Variants in TMEM201 observed in about 807,000 individuals in gnomAD.
TMEM201 encodes the protein transmembrane protein 201, also known as RP13-15M17.2.
In TMEM201, 26 loss-of-function variants were observed where a neutral mutation model predicts 63.4. The observed-to-expected ratio is 0.41, with a 90% CI of 0.30 to 0.57. The LOEUF (loss-of-function observed/expected upper bound fraction) is 0.57, where lower values mean the gene tolerates loss of function less well. TMEM201 is among the 20% of genes least tolerant of loss of function. TMEM201 has a pLI of 0.29. For synonymous variants in TMEM201, 417 were observed against 421.6 expected, an observed-to-expected ratio of 0.99 and a Z score of 0.14; for missense variants, 794 against 917.7, an observed-to-expected ratio of 0.87 and a Z score of 1.74.
rs1490259504 is a variant in TMEM201, at chr1:9,607,146, C to T, written c.1161-411C>T. On this transcript the variant is annotated intron_variant, in intron 6 of 10. Transcript: ENST00000340381. This position sits in a 1 kb window ranked among gnomAD's most constrained non-coding sequence, Gnocchi z 5.4. ...AGCCCGGCCGCTCTGTGGGAAGGCT[C>T]GGCACAGAACAAGAAGTGGCAAGGA... Among the ~76,000 whole-genome samples, 2 of 152,164 alleles carry T rather than the reference C, an allele frequency of 1.3e-5. No individual in the cohort carries two copies. Among genetic ancestry groups the T allele is most frequent in the African/African-American group, 2.4e-5 (1 of 41,420 alleles).
chr1:9,600,986 CAAG>C, intron 4 of TMEM201, 116 bp from the exon 5 acceptor site: 1 of 892,638 alleles, frequency 1.1e-6, no homozygotes, highest in Non-Finnish European at 1.7e-6. Flanking sequence ...GTTTTTGAAC[CAAG>C]CCCAGGATGT....
At chr1:9,595,544 C>T (rs996594347) in intron 1 of TMEM201, among the ~76,000 whole-genome samples, 23 of 152,112 alleles carry the variant, frequency 1.5e-4, no homozygotes, top group African/African-American at 5.5e-4. Flanking sequence ...GAGCCCCAGG[C>T]CACCAGGAGC....
Position 9,610,558 on chromosome 1 carries a change from A to G in TMEM201, c.1518A>G (p.Pro506=). 6.5e-7 allele frequency: 1 copy of G among 1,548,894 alleles called. No individual in the cohort carries two copies. Among genetic ancestry groups the G allele is most frequent in the South Asian group, 1.2e-5 (1 of 83,932 alleles). Residue 506 remains proline (P), a synonymous_variant, in exon 9 of 11, where the codon CCA becomes CCG. Transcript: ENST00000340381. The surrounding 1 kb of genome is among the most constrained non-coding windows in gnomAD (Gnocchi z 4.9). ...GSCPSSPLPS[P]APSVAGSVAS... ...GCCCCTCCTCCCCACTCCCTTCCCC[A>G]GCGCCTTCCGTGGCCGGCTCGGTGG...
intron 5 of TMEM201, among the ~76,000 whole-genome samples, chr1:9,601,818 C>T (rs1644148472): frequency 1.3e-5 from 2 of 152,186 alleles, no homozygotes; most frequent in Admixed American, 6.5e-5. Context: ...TCCCCGTCGC[C>T]CCTGCTCACC....
intron 4 of TMEM201, among the ~76,000 whole-genome samples, chr1:9,600,580 A>G (rs538937423): frequency 1.7e-4 from 26 of 152,296 alleles, no homozygotes; most frequent in African/African-American, 6.3e-4. Flanking sequence ...GGAGCAGGGT[A>G]GGGAGGTGGC....
chr1:9,593,263 G>A (rs1643951552), intron 1 of TMEM201, among the ~76,000 whole-genome samples: 1 of 152,228 alleles, frequency 6.6e-6, no homozygotes, highest in African/African-American at 2.4e-5. Flanking sequence ...TTTCACATGT[G>A]GTCATGTGTC....
rs1424136461 is a variant in TMEM201, at chr1:9,598,558, G to A, written c.539G>A (p.Arg180His). 1.2e-6 allele frequency: 2 copies of A among 1,613,710 alleles called. No homozygotes were observed. The highest frequency in any genetic ancestry group is 1.7e-6 in the Non-Finnish European group (2 of 1,180,010). ...AVEYYIKHQNRQLRALLLSHQ... is the reference protein window; with the variant it reads ...AVEYYIKHQNHQLRALLLSHQ... The stretch of plus-strand genomic sequence containing the variant: ...GAGTACTACATCAAGCACCAGAACC[G>A]CCAGCTGCGCGCCCTGTTGCTCAGC... The change falls in exon 4 of 11, where the codon CGC (arginine) becomes CAC (histidine). Residue 180 changes from arginine (R) to histidine (H), a missense_variant. Transcript: ENST00000340381.
In TMEM201 at chr1:9,608,028, A is replaced by G. The variant is rs1285463679; in HGVS notation, c.1393+239A>G. On this transcript the variant is annotated intron_variant, in intron 7 of 10. Coordinates refer to ENST00000340381, the MANE Select transcript of TMEM201 (RefSeq NM_001130924.3). The surrounding 1 kb of genome is among the most constrained non-coding windows in gnomAD (Gnocchi z 4.3). The stretch of plus-strand genomic sequence containing the variant: ...CAAGGTGGGAGGATGGCTTGAGGCT[A>G]GGAGTTCAAGACCAGCCTGGGCAAC... Among the ~76,000 whole-genome samples the G allele has an allele frequency of 1.3e-5, 2 of 152,216 alleles. No homozygotes were observed. The highest frequency in any genetic ancestry group is 4.8e-5 in the African/African-American group (2 of 41,464).
Position 9,601,407 on chromosome 1 carries a change from G to C in TMEM201, c.909G>C (p.Leu303=). ...GCCACCAGACGGGCGTCGTGGCACTGGGCCTACTCACCTGCCTGCTGGCAA... is the reference window on the plus strand; with the variant it reads ...GCCACCAGACGGGCGTCGTGGCACTCGGCCTACTCACCTGCCTGCTGGCAA... ...GQSHQTGVVA[L]GLLTCLLAML... is the part of the protein sequence containing the mutation. Residue 303 remains leucine, a synonymous_variant, in exon 5 of 11, where the codon CTG becomes CTC. Transcript: ENST00000340381. 6.3e-7 allele frequency: 1 copy of C among 1,599,764 alleles called. No individual in the cohort carries two copies. Among genetic ancestry groups the C allele is most frequent in the South Asian group, 1.1e-5 (1 of 90,920 alleles).
In TMEM201 at chr1:9,602,237, G is replaced by A. The variant is rs927282825; in HGVS notation, c.1125G>A (p.Arg375=). The part of the protein sequence containing the change: ...LVGFTAAVAT[R]KATGPRRFRP... ...GCTTCACGGCGGCTGTGGCCACAAG[G>A]AAGGCAACGGGCCCACGGAGGTTCC... The change falls in exon 6 of 11, where the codon AGG becomes AGA. Residue 375 remains arginine, a synonymous_variant. Transcript: ENST00000340381. The A allele has an allele frequency of 8.7e-6, 14 of 1,612,286 alleles. 1 individual carries two copies. The Admixed American group carries it at 2.0e-4, about 23-fold the overall frequency.
In TMEM201 at chr1:9,604,602, G is replaced by T. The variant is rs985636183; in HGVS notation, c.1160+2330G>T. ...TCAGACCTTCTAGGGTCTGGCTGGG[G>T]TCATCCTAGGTATGGGTGACCGTCC... On this transcript the variant is annotated intron_variant, in intron 6 of 10. Coordinates refer to ENST00000340381, the MANE Select transcript of TMEM201 (RefSeq NM_001130924.3). This position sits in a 1 kb window ranked among gnomAD's most constrained non-coding sequence, Gnocchi z 4.1. 2.0e-6 allele frequency: 2 copies of T among 985,508 alleles called. No homozygotes were observed. Among genetic ancestry groups the T allele is most frequent in the Non-Finnish European group, 2.4e-6 (2 of 829,930 alleles). The allele number at this position is 985,508 out of a possible 1,614,324, so 61.0% of individuals were successfully genotyped here. A position where few individuals can be genotyped will look rare whatever the true frequency, so the allele number is the denominator to read the frequency against.
intron 1 of TMEM201, among the ~76,000 whole-genome samples, chr1:9,592,667 TCATCATTAAGGACACGTGC>T (rs1171870372): frequency 1.7e-4 from 6 of 36,050 alleles, no homozygotes; most frequent in South Asian, 1.1e-3. Context: ...TGGAGTGGTG[TCATCATTAAGGACACGTGC>T]CCGTCTTGTT....
chr1:9,609,062 C>T (rs1445662304), intron 7 of TMEM201, among the ~76,000 whole-genome samples: 1 of 152,230 alleles, frequency 6.6e-6, no homozygotes, highest in Non-Finnish European at 1.5e-5. Flanking sequence ...CCTCAGTCCG[C>T]TTCTCTGCCA....
rs1242752078 is a variant in TMEM201, at chr1:9,603,116, C to G, written c.1160+844C>G. 1.0e-6 allele frequency: 1 copy of G among 985,394 alleles called. No individual in the cohort carries two copies. Among genetic ancestry groups the G allele is most frequent in the Non-Finnish European group, 1.2e-6 (1 of 829,998 alleles). The allele number at this position is 985,394 out of a possible 1,614,324, so 61.0% of individuals were successfully genotyped here. ...TCAGTGACATCAGGTCGTTGTCATC[C>G]TTTCCCTCCCTGACCTGTCACGAGC... On this transcript the variant is annotated intron_variant, in intron 6 of 10. Transcript: ENST00000340381. This position sits in a 1 kb window ranked among gnomAD's most constrained non-coding sequence, Gnocchi z 4.5.
Position 9,607,740 on chromosome 1 carries a change from C to T in TMEM201, c.1344C>T (p.Arg448=), listed in dbSNP as rs1644267872. 1 of 1,551,662 alleles carries T rather than the reference C, an allele frequency of 6.4e-7. No homozygotes were observed. Among genetic ancestry groups the T allele is most frequent in the South Asian group, 1.2e-5 (1 of 84,066 alleles). ...CCTCACCCTCCTCATTGCCTGGCCG[C>T]CTCAGCCGGGCCCTCTCTCTGGGAA... ...RRTSPSSLPG[R]LSRALSLGTI... Residue 448 remains arginine (R), a synonymous_variant, in exon 7 of 11, where the codon CGC becomes CGT. Coordinates refer to ENST00000340381, the MANE Select transcript of TMEM201 (RefSeq NM_001130924.3). The surrounding 1 kb of genome is among the most constrained non-coding windows in gnomAD (Gnocchi z 5.4).
In TMEM201 at chr1:9,598,609, A is replaced by T. The variant is rs751764878; in HGVS notation, c.590A>T (p.Asp197Val). 1 of 1,613,078 alleles carries T rather than the reference A, an allele frequency of 6.2e-7. No individual in the cohort carries two copies. Among genetic ancestry groups the T allele is most frequent in the East Asian group, 2.2e-5 (1 of 44,880 alleles). ...LSHQFKRREA[D>V]QTHAQNFSSA... ...CACCAGTTCAAGCGCCGGGAGGCCG[A>T]CCAGACCCACGCACAGGTGAGAGGC... Residue 197 changes from aspartate to valine, a missense_variant, in exon 4 of 11, where the codon GAC (aspartate) becomes GTC (valine). Transcript: ENST00000340381.
intron 1 of TMEM201, among the ~76,000 whole-genome samples, chr1:9,594,298 C>T (rs1332727617): frequency 6.6e-6 from 1 of 152,174 alleles, no homozygotes; most frequent in Non-Finnish European, 1.5e-5. Flanking sequence ...ATGCAGCGGT[C>T]CTTGTCCTCT....
intron 5 of TMEM201, 132 bp from the exon 6 acceptor site, chr1:9,601,937 C>G: frequency 9.2e-7 from 1 of 1,092,882 alleles, no homozygotes; most frequent in South Asian, 1.7e-5. Flanking sequence ...TGAGGGGATT[C>G]CGAGCCCACA....
Position 9,595,898 on chromosome 1 carries a change from C to T in TMEM201, c.122C>T (p.Pro41Leu). 1 of 1,613,454 alleles carries T rather than the reference C, an allele frequency of 6.2e-7. No homozygotes were observed. Residue 41 changes from proline (P) to leucine (L), a missense_variant, in exon 2 of 11, where the codon CCA (proline) becomes CTA (leucine). Physicochemically the swap from Pro to Leu is moderately conservative, Grantham distance 98 (BLOSUM62 -3). Coordinates refer to ENST00000340381, the MANE Select transcript of TMEM201 (RefSeq NM_001130924.3). ...LLYRIARRMK[P>L]THTMVNCWFC... ...CTTTCCTTGGTCCACAGGATGAAGCCAACGCACACGATGGTCAACTGCTGG... is the reference window on the plus strand; with the variant it reads ...CTTTCCTTGGTCCACAGGATGAAGCTAACGCACACGATGGTCAACTGCTGG...
Sources: allele counts gnomAD v4.1 joint callset (sites outside exome capture counted in the v4.1 genomes callset), GRCh38; gene constraint gnomAD v4.1.1; non-coding constraint Gnocchi (gnomAD v3.1); transcripts MANE v1.5; gene names NCBI Gene and HGNC (gene_info 2026-07-23, HGNC 2026-07-21).